GABRG1: variants seen among roughly 807,000 people sequenced by gnomAD.
GABRG1 encodes gamma-aminobutyric acid receptor subunit gamma-1.
GABRG1 carries 49 observed loss-of-function variants against 49.8 expected under a neutral mutation model. The ratio of observed to expected loss-of-function variants is 0.98; its 90% confidence interval spans 0.78 to 1.25. The LOEUF is 1.25. Among genes scored for constraint, GABRG1 ranks in the 50% most tolerant of loss-of-function variants. The pLI is 0.00. For missense variants in GABRG1, 552 were observed against 552.3 expected (o/e 1.00, Z 0.01); for synonymous variants, 232 against 185.1 (o/e 1.25, Z -2.06).
At chr4:46,109,469 G>T (rs199838989) in intron 1 of GABRG1, among the ~76,000 whole-genome samples, 2 of 150,390 alleles carry the variant, frequency 1.3e-5, no homozygotes, top group East Asian at 2.0e-4. Flanking sequence ...TTTTAGAAAA[G>T]GTTTCACTGA....
intron 3 of GABRG1, among the ~76,000 whole-genome samples, chr4:46,082,870 C>T (rs890887926): frequency 6.6e-6 from 1 of 151,758 alleles, no homozygotes; most frequent in Non-Finnish European, 1.5e-5. Context: ...CCATCTGGTC[C>T]TCAGATCTGT....
chr4:46,069,836 G>A (rs907703816), intron 3 of GABRG1, among the ~76,000 whole-genome samples: 4 of 151,950 alleles, frequency 2.6e-5, no homozygotes, highest in African/African-American at 9.7e-5. Flanking sequence ...ATGTAGAAGG[G>A]GTATAAAGAG....
chr4:46,065,171 T>C (rs761217769), intron 4 of GABRG1, among the ~76,000 whole-genome samples, 193 bp downstream of exon 4: 4 of 152,196 alleles, frequency 2.6e-5, no homozygotes, highest in African/African-American at 9.6e-5. Flanking sequence ...TCTTTGCTTT[T>C]AGTCCTTTTC....
chr4:46,092,867 G>T (rs1160406697), intron 2 of GABRG1, among the ~76,000 whole-genome samples: 3 of 123,458 alleles, frequency 2.4e-5, no homozygotes, highest in Non-Finnish European at 4.6e-5. Flanking sequence ...TTTGAGACCA[G>T]CAGACCAGCC....
chr4:46,058,452 A>G (rs1262361209), intron 6 of GABRG1, 33 bp downstream of exon 6: 1 of 1,605,636 alleles, frequency 6.2e-7, no homozygotes, highest in African/African-American at 1.3e-5. Context: ...ATTTAATGCT[A>G]GCATCATTTC....
intron 2 of GABRG1, among the ~76,000 whole-genome samples, chr4:46,089,631 T>C (rs1467251041): frequency 6.6e-6 from 1 of 152,028 alleles, no homozygotes; most frequent in Non-Finnish European, 1.5e-5. Context: ...CTGAAACTGT[T>C]TGGAAAGTCA....
chr4:46,102,839 G>A (rs1720425222), intron 1 of GABRG1, among the ~76,000 whole-genome samples: 1 of 151,512 alleles, frequency 6.6e-6, no homozygotes, highest in Non-Finnish European at 1.5e-5. Flanking sequence ...TTTAAGTAAA[G>A]ACAAGGCATG....
intron 1 of GABRG1, among the ~76,000 whole-genome samples, chr4:46,116,082 T>C (rs1210530888): frequency 6.6e-6 from 1 of 150,862 alleles, no homozygotes; most frequent in Non-Finnish European, 1.5e-5. Flanking sequence ...TTTTAGATTT[T>C]TGTCTTTGTT....
rs528111182 is a variant in GABRG1 at position 46,041,440 on chromosome 4, A to G, written c.1132-186T>C. Among the ~76,000 whole-genome samples the G allele has an allele frequency of 3.9e-5, 6 of 152,092 alleles. No individual in the cohort carries two copies. In the East Asian group the frequency reaches 7.7e-4, roughly 20 times the overall value. On this transcript the variant is annotated intron_variant, in intron 8 of 8. Transcript: ENST00000295452. ...TTTGCTTTGTAATAGAACATTTGTT[A>G]CATTCTATTAAGCAGAAATGAAATA... is the stretch of plus-strand genomic sequence containing the variant.
chr4:46,037,963 A>G lies in GABRG1; in HGVS notation c.*3025T>C, dbSNP rs567945803. On this transcript the variant is annotated 3_prime_UTR_variant, in exon 9 of 9. Coordinates refer to ENST00000295452, the MANE Select transcript of GABRG1 (RefSeq NM_173536.4). ...AACATTGTCTATTTTATGATGATAT[A>G]CTAATGCCAGAATATGGAAACACAA... 8.6e-5 allele frequency: 13 copies of G among 151,852 alleles called. No homozygotes were observed. In the South Asian group the frequency reaches 1.9e-3, roughly 22 times the overall value. 9.4% of individuals were successfully genotyped at this position (151,852 alleles called of 1,614,324 possible).
At chr4:46,098,468 A>G (rs1720264125) in intron 1 of GABRG1, among the ~76,000 whole-genome samples, 2 of 151,776 alleles carry the variant, frequency 1.3e-5, no homozygotes, top group Admixed American at 1.3e-4. Context: ...TCCCTCAAAC[A>G]GTAAATACTT....
intron 2 of GABRG1, among the ~76,000 whole-genome samples, chr4:46,093,168 G>A (rs184656001): frequency 5.3e-4 from 80 of 150,706 alleles, no homozygotes; most frequent in Middle Eastern, 3.5e-3. Context: ...GTATTCTACA[G>A]ACCAGAAAGA....
intron 2 of GABRG1, among the ~76,000 whole-genome samples, chr4:46,084,945 G>A (rs887800292): frequency 1.3e-5 from 2 of 151,528 alleles, no homozygotes; most frequent in Non-Finnish European, 3.0e-5. Context: ...GCCAGTTATA[G>A]TTAGATTTAC....
rs929133396 is a variant in GABRG1, at chr4:46,041,399, A to G, written c.1132-145T>C. On this transcript the variant is annotated intron_variant, in intron 8 of 8. Transcript: ENST00000295452. The stretch of plus-strand genomic sequence containing the variant: ...AAAATCAAGTATTTTCAATTATAAC[A>G]TGTTTTATATTATAATTTGCTTTGT... 24 of 693,898 alleles carry G rather than the reference A, an allele frequency of 3.5e-5. No individual in the cohort carries two copies. In the African/African-American group the frequency reaches 4.0e-4, roughly 12 times the overall value. The allele number at this position is 693,898 out of a possible 1,614,324, so 43.0% of individuals were successfully genotyped here.
At chr4:46,083,166 T>A (rs1419365690) in intron 3 of GABRG1, among the ~76,000 whole-genome samples, 1 of 151,696 alleles carries the variant, frequency 6.6e-6, no homozygotes, top group Admixed American at 6.6e-5. Context: ...AGGTTACACA[T>A]AATTAATAAG....
intron 1 of GABRG1, among the ~76,000 whole-genome samples, chr4:46,097,733 G>A (rs534004356): frequency 5.4e-4 from 82 of 151,408 alleles, no homozygotes; most frequent in Non-Finnish European, 1.0e-3. Context: ...AAATTAAAAG[G>A]TAAAGAATTA....
Position 46,065,549 on chromosome 4 carries a change from C to A in GABRG1, c.357G>T (p.Trp119Cys). Residue 119 changes from tryptophan to cysteine, a missense_variant, in exon 4 of 9, where the codon TGG becomes TGT. Trp to Cys is a radical substitution (Grantham distance 215). Transcript: ENST00000295452. Reference protein sequence around the residue: ...YTIDIIFAQTWFDSRLKFNST... With the variant: ...YTIDIIFAQTCFDSRLKFNST... ...TATTGAATTTTAAACGACTGTCAAA[C>A]CAGGTTTGGGCAAAAATTATATCTA... The A allele has an allele frequency of 1.3e-6, 2 of 1,599,688 alleles. No homozygotes were observed. The highest frequency in any genetic ancestry group is 1.7e-6 in the Non-Finnish European group (2 of 1,167,778).
Position 46,065,596 on chromosome 4 carries a change from G to A in GABRG1, c.322-12C>T, listed in dbSNP as rs756318706. The stretch of plus-strand genomic sequence containing the variant: ...TCTATTGTATATTCCTAAAATATAA[G>A]AAGAGTAACAACATATTAGTAAAGC... On this transcript the variant is annotated splice_polypyrimidine_tract_variant and intron_variant, in intron 3 of 8. Coordinates refer to ENST00000295452, the MANE Select transcript of GABRG1 (RefSeq NM_173536.4). The A allele has an allele frequency of 2.5e-6, 3 of 1,182,404 alleles. No individual in the cohort carries two copies. The highest frequency in any genetic ancestry group is 1.5e-5 in the African/African-American group (1 of 65,068). The allele number at this position is 1,182,404 out of a possible 1,614,324, so 73.2% of individuals were successfully genotyped here. A position where few individuals can be genotyped will look rare whatever the true frequency, so the allele number is the denominator to read the frequency against.
At chr4:46,056,664 C>T (rs994584613) in intron 7 of GABRG1, among the ~76,000 whole-genome samples, 2 of 152,018 alleles carry the variant, frequency 1.3e-5, no homozygotes, top group Non-Finnish European at 2.9e-5. Flanking sequence ...AAATTTTATT[C>T]ACTGTTAACA....
Sources: allele counts gnomAD v4.1 joint callset (sites outside exome capture counted in the v4.1 genomes callset), GRCh38; gene constraint gnomAD v4.1.1; transcripts MANE v1.5; gene names NCBI Gene and HGNC (gene_info 2026-07-23, HGNC 2026-07-21).